The following HECW2 variants were observed in gnomAD, a reference collection of about 807,000 sequenced individuals.
The protein encoded by HECW2 is HECT, C2 and WW domain containing E3 ubiquitin protein ligase 2.
A neutral mutation model predicts 175.2 loss-of-function variants in HECW2; 61 were observed. The ratio of observed to expected loss-of-function variants is 0.35; its 90% confidence interval spans 0.28 to 0.43. The LOEUF (loss-of-function observed/expected upper bound fraction) is 0.43. Ranked by LOEUF, HECW2 falls within the 20% of genes least tolerant of loss-of-function variation. HECW2 has a pLI of 1.00. For missense variants in HECW2, 1,524 were observed against 2,000.5 expected (o/e 0.76, Z 4.54); for synonymous variants, 671 against 731.0 (o/e 0.92, Z 1.32).
At chr2:196,215,595 C>A (rs1398935484) in intron 28 of HECW2, among the ~76,000 whole-genome samples, 69 of 152,178 alleles carry the variant, frequency 4.5e-4, no homozygotes, top group Admixed American at 4.5e-3. Context: ...AAGCCACAAG[C>A]ATGATAACCA....
chr2:196,343,235 C>T (rs1004642150), intron 3 of HECW2, among the ~76,000 whole-genome samples: 1 of 152,178 alleles, frequency 6.6e-6, no homozygotes, highest in Non-Finnish European at 1.5e-5. Flanking sequence ...AACCTGTGTA[C>T]ATCCTCTCGT....
At chr2:196,377,104 A>T (rs1399290076) in intron 2 of HECW2, among the ~76,000 whole-genome samples, 5 of 152,244 alleles carry the variant, frequency 3.3e-5, no homozygotes, top group Non-Finnish European at 7.3e-5. Context: ...TAAATCAAAG[A>T]GAAACCAGGT....
At chr2:196,554,218 C>T (rs916335779) in intron 1 of HECW2, among the ~76,000 whole-genome samples, 2 of 151,658 alleles carry the variant, frequency 1.3e-5, no homozygotes, top group East Asian at 1.9e-4. Context: ...CCCAGCTACT[C>T]GGGAGGCTGA....
intron 1 of HECW2, among the ~76,000 whole-genome samples, chr2:196,582,922 CT>C (rs1318940566): frequency 6.6e-6 from 1 of 152,158 alleles, no homozygotes; most frequent in African/African-American, 2.4e-5. Flanking sequence ...GGGACACTGC[CT>C]TTCCTTTTGA....
At chr2:196,508,625 T>A (rs567992773) in intron 1 of HECW2, among the ~76,000 whole-genome samples, 3 of 152,304 alleles carry the variant, frequency 2.0e-5, no homozygotes, top group South Asian at 4.2e-4. Flanking sequence ...CCCACTAATA[T>A]CTGTGAAGTA....
chr2:196,446,465 G>C lies in HECW2; in HGVS notation c.-35-13007C>G, dbSNP rs10177234. Among the ~76,000 whole-genome samples, 25 of 152,254 alleles carry C rather than the reference G, an allele frequency of 1.6e-4. No homozygotes were observed. The South Asian group carries it at 5.0e-3, about 30-fold the overall frequency. ...CCCTAGAATGTATGCTTCATGAGGAGTCAGAAATGACAGACAGACATCACC... is the reference window on the plus strand; with the variant it reads ...CCCTAGAATGTATGCTTCATGAGGACTCAGAAATGACAGACAGACATCACC... On this transcript the variant is annotated intron_variant, in intron 1 of 28. Coordinates refer to ENST00000644978, the MANE Select transcript of HECW2 (RefSeq NM_001348768.2).
At chr2:196,537,331 G>A (rs1170008162) in intron 1 of HECW2, among the ~76,000 whole-genome samples, 1 of 152,076 alleles carries the variant, frequency 6.6e-6, no homozygotes, top group East Asian at 1.9e-4. Flanking sequence ...AAGATGGAAA[G>A]CCTCACGATG....
intron 2 of HECW2, among the ~76,000 whole-genome samples, chr2:196,404,083 C>T (rs1317446018): frequency 2.6e-5 from 4 of 152,100 alleles, no homozygotes. Flanking sequence ...TTACTAAATG[C>T]AATTGAGTGC....
intron 1 of HECW2, among the ~76,000 whole-genome samples, chr2:196,464,455 A>T (rs1004907351): frequency 6.6e-6 from 1 of 152,204 alleles, no homozygotes; most frequent in Non-Finnish European, 1.5e-5. Context: ...CAAGATATCA[A>T]ATTACAGGTT....
intron 1 of HECW2, among the ~76,000 whole-genome samples, chr2:196,456,890 C>A (rs576582444): frequency 2.0e-5 from 3 of 152,138 alleles, no homozygotes; most frequent in Admixed American, 2.0e-4. Flanking sequence ...CTCGGGTTTT[C>A]TTCATTCTTT....
intron 6 of HECW2, among the ~76,000 whole-genome samples, chr2:196,323,903 TTTTTGTTTTTTGTTTG>T (rs1692042589): frequency 9.4e-6 from 1 of 106,782 alleles, no homozygotes; most frequent in Non-Finnish European, 1.6e-5. Flanking sequence ...TTAAGAGTTT[TTTTTGTTTTTTGTTTG>T]TTTTTTTTTT....
In HECW2 at chr2:196,195,401, A is replaced by T. The variant is rs931454024; in HGVS notation, c.*5876T>A. ...AGGGCACTACACATAAAAATCACAT[A>T]TATAAATTTAATTCTCCTGTGTTCC... On this transcript the variant is annotated 3_prime_UTR_variant, in exon 29 of 29. Coordinates refer to ENST00000644978, the MANE Select transcript of HECW2 (RefSeq NM_001348768.2). The T allele has an allele frequency of 6.6e-5, 10 of 152,226 alleles. 1 individual carries two copies. Among genetic ancestry groups the T allele is most frequent in the Non-Finnish European group, 1.2e-4 (8 of 68,032 alleles). The allele number at this position is 152,226 out of a possible 1,614,324, so 9.4% of individuals were successfully genotyped here. A position where few individuals can be genotyped will look rare whatever the true frequency, so the allele number is the denominator to read the frequency against.
chr2:196,395,471 G>T (rs994007917), intron 2 of HECW2, among the ~76,000 whole-genome samples: 3 of 151,898 alleles, frequency 2.0e-5, no homozygotes, highest in African/African-American at 7.3e-5. Flanking sequence ...TGTGATAAGA[G>T]ATTGATATCC....
chr2:196,273,858 C>A (rs1417163268), intron 16 of HECW2, among the ~76,000 whole-genome samples, 163 bp downstream of exon 16: 1 of 152,192 alleles, frequency 6.6e-6, no homozygotes. Context: ...CTTTGAGACT[C>A]AAGTCTGTAG....
rs939557011 is a variant in HECW2, at chr2:196,553,661, A to G, written c.-36+39847T>C. Among the ~76,000 whole-genome samples the G allele has an allele frequency of 4.6e-5, 7 of 152,212 alleles. 1 individual carries two copies. Among genetic ancestry groups the G allele is most frequent in the Non-Finnish European group, 7.3e-5 (5 of 68,036 alleles). The stretch of plus-strand genomic sequence containing the variant: ...TTGCAGCAATTTGTTGGTCTAGGAG[A>G]CATCTGCATTTAAACTCTGATTTGC... On this transcript the variant is annotated intron_variant, in intron 1 of 28. Coordinates refer to ENST00000644978, the MANE Select transcript of HECW2 (RefSeq NM_001348768.2).
chr2:196,577,767 CTT>C (rs372141479), intron 1 of HECW2, among the ~76,000 whole-genome samples: 2 of 152,286 alleles, frequency 1.3e-5, no homozygotes, highest in African/African-American at 4.8e-5. Flanking sequence ...AAGGAAATCT[CTT>C]TCAACCATCA....
intron 1 of HECW2, among the ~76,000 whole-genome samples, chr2:196,463,768 A>G (rs1696837881): frequency 6.6e-6 from 1 of 152,184 alleles, no homozygotes; most frequent in Non-Finnish European, 1.5e-5. Flanking sequence ...TACCCTTTAT[A>G]CTGCTACAAC....
intron 1 of HECW2, among the ~76,000 whole-genome samples, chr2:196,490,514 G>C (rs1426406159): frequency 6.6e-6 from 1 of 152,102 alleles, no homozygotes; most frequent in Non-Finnish European, 1.5e-5. Context: ...GGAAATGCAA[G>C]ACAGAAAAGT....
At chr2:196,261,842 G>C (rs1335473831) in intron 17 of HECW2, among the ~76,000 whole-genome samples, 2 of 152,090 alleles carry the variant, frequency 1.3e-5, no homozygotes, top group Non-Finnish European at 2.9e-5. Context: ...CAACATTATA[G>C]GTCCGCAATA....
Sources: gnomAD v4.1 joint callset for allele counts (sites outside exome capture counted in the v4.1 genomes callset) on GRCh38, gnomAD v4.1.1 for gene constraint, MANE v1.5 for transcripts, NCBI Gene and HGNC (gene_info 2026-07-23, HGNC 2026-07-21) for gene names.